The following STAP1 variants were observed in gnomAD, a reference collection of about 807,000 sequenced individuals.
STAP1 encodes signal-transducing adaptor protein 1.
In STAP1, 30 loss-of-function variants were observed where a neutral mutation model predicts 37.8. The ratio of observed to expected loss-of-function variants is 0.79; its 90% confidence interval spans 0.59 to 1.08. STAP1 has a LOEUF of 1.08. Ranked by LOEUF, STAP1 falls within the 50% of genes least tolerant of loss-of-function variation. The probability of loss-of-function intolerance (pLI) is 0.00; values close to 1 mark genes in which losing one functional copy is unlikely to be tolerated. For synonymous variants in STAP1, 130 were observed against 116.0 expected, an observed-to-expected ratio of 1.12 and a Z score of -0.78; for missense variants, 357 against 349.4, an observed-to-expected ratio of 1.02 and a Z score of -0.17.
intron 4 of STAP1, among the ~76,000 whole-genome samples, 198 bp from the exon 5 acceptor site, chr4:67,581,107 C>T (rs1470655708): frequency 6.6e-6 from 1 of 152,180 alleles, no homozygotes; most frequent in Non-Finnish European, 1.5e-5. Context: ...GCACTCTGTG[C>T]AGGTTGTAGT....
chr4:67,603,701 A>T (rs1728392345), intron 8 of STAP1, among the ~76,000 whole-genome samples: 1 of 152,116 alleles, frequency 6.6e-6, no homozygotes, highest in Admixed American at 6.5e-5. Flanking sequence ...TGGAGGCCTC[A>T]TGACTCTGCC....
intron 4 of STAP1, among the ~76,000 whole-genome samples, chr4:67,579,766 C>T (rs1238803600): frequency 6.6e-6 from 1 of 152,186 alleles, no homozygotes; most frequent in Non-Finnish European, 1.5e-5. Flanking sequence ...GACCCAAACA[C>T]CTCCCACCAG....
chr4:67,582,447 C>T (rs1008334574), intron 5 of STAP1, among the ~76,000 whole-genome samples: 4 of 151,690 alleles, frequency 2.6e-5, no homozygotes, highest in African/African-American at 4.8e-5. Flanking sequence ...TAGCTGGGAC[C>T]ACAGGCACCT....
Position 67,571,128 on chromosome 4 carries a change from C to A in STAP1, c.165C>A (p.Phe55Leu), listed in dbSNP as rs753818400. The A allele has an allele frequency of 3.0e-5, 49 of 1,610,968 alleles. No homozygotes were observed. The highest frequency in any genetic ancestry group is 3.9e-5 in the Non-Finnish European group (46 of 1,177,384). Residue 55 changes from phenylalanine (F) to leucine (L), a missense_variant, in exon 2 of 9, where the codon TTC (phenylalanine) becomes TTA (leucine). Transcript: ENST00000265404. ...CAGAGTTGAGAGGAACTACTCTTTT[C>A]TTTTATACCGACAAAAAGAGTATAA... ...YWTELRGTTL[F>L]FYTDKKSIIY...
At chr4:67,600,734 T>C (rs569857338) in intron 8 of STAP1, among the ~76,000 whole-genome samples, 1 of 152,302 alleles carries the variant, frequency 6.6e-6, no homozygotes, top group South Asian at 2.1e-4. Context: ...CCTTTCATCA[T>C]TATATAATGA....
chr4:67,588,031 C>T (rs1577761231), intron 6 of STAP1, among the ~76,000 whole-genome samples: 1 of 68,006 alleles, frequency 1.5e-5, no homozygotes, highest in Non-Finnish European at 2.7e-5. Flanking sequence ...GCTGGGGACA[C>T]ATTTTCTTAA....
intron 1 of STAP1, among the ~76,000 whole-genome samples, chr4:67,559,939 G>A (rs950040818): frequency 4.6e-5 from 7 of 152,066 alleles, no homozygotes; most frequent in Non-Finnish European, 8.8e-5. Context: ...TGTTATGGAT[G>A]TTAAACATGC....
chr4:67,581,217 C>T lies in STAP1; in HGVS notation c.364-88C>T, dbSNP rs1578028584. On this transcript the variant is annotated intron_variant, in intron 4 of 8. Coordinates refer to ENST00000265404, the MANE Select transcript of STAP1 (RefSeq NM_012108.4). ...TTCACCTCTGTCAGGTAACTGTAGC[C>T]CTATAGGACCAGAACAGGGTCGTCT... 3.2e-5 allele frequency: 41 copies of T among 1,261,900 alleles called. No individual in the cohort carries two copies. The South Asian group carries it at 6.2e-4, about 19-fold the overall frequency. 78.2% of individuals were successfully genotyped at this position (1,261,900 alleles called of 1,614,324 possible). A position where few individuals can be genotyped will look rare whatever the true frequency, so the allele number is the denominator to read the frequency against.
intron 8 of STAP1, among the ~76,000 whole-genome samples, chr4:67,596,437 C>T (rs866897302): frequency 6.6e-6 from 1 of 152,044 alleles, no homozygotes; most frequent in Admixed American, 6.6e-5. Context: ...TTGGCAGAGT[C>T]GGGTCCTGCT....
Position 67,593,272 on chromosome 4 carries a change from A to G in STAP1, c.742A>G (p.Asn248Asp), listed in dbSNP as rs1353538891. The G allele has an allele frequency of 1.9e-6, 3 of 1,613,058 alleles. No homozygotes were observed. The highest frequency in any genetic ancestry group is 2.5e-6 in the Non-Finnish European group (3 of 1,179,528). The change falls in exon 8 of 9, where the codon AAC (asparagine) becomes GAC (aspartate). Residue 248 changes from asparagine (N) to aspartate (D), a missense_variant. By Grantham distance (23) the Asn-to-Asp change is conservative. Transcript: ENST00000265404. ...TCTATTAATACAGGTAACACTCCCA[A>G]ACCTTTTCAGTGTCATTGATTATTT... ...IELEKPVTLPNLFSVIDYFVK... is the reference protein window; with the variant it reads ...IELEKPVTLPDLFSVIDYFVK...
chr4:67,582,227 T>C (rs1246042922), intron 5 of STAP1, among the ~76,000 whole-genome samples: 2 of 152,158 alleles, frequency 1.3e-5, no homozygotes, highest in African/African-American at 4.8e-5. Context: ...ACAAGTAATA[T>C]ATGTTTATTA....
intron 1 of STAP1, among the ~76,000 whole-genome samples, chr4:67,566,237 C>G (rs571662898): frequency 1.2e-4 from 18 of 152,088 alleles, no homozygotes; most frequent in African/African-American, 4.3e-4. Context: ...CATGAGCCAC[C>G]GCGCCTGGCC....
At chr4:67,575,734 A>G (rs1392258001) in intron 3 of STAP1, among the ~76,000 whole-genome samples, 2 of 152,232 alleles carry the variant, frequency 1.3e-5, no homozygotes, top group Admixed American at 1.3e-4. Flanking sequence ...GACAAAGTCA[A>G]GGATCCCACC....
chr4:67,566,199 C>T (rs373950575), intron 1 of STAP1, among the ~76,000 whole-genome samples: 3 of 152,170 alleles, frequency 2.0e-5, no homozygotes, highest in African/African-American at 4.8e-5. Context: ...CTTCCCGCCT[C>T]GGCCTCCCAA....
At chr4:67,573,882 G>A (rs1727660039) in intron 2 of STAP1, among the ~76,000 whole-genome samples, 1 of 152,054 alleles carries the variant, frequency 6.6e-6, no homozygotes, top group South Asian at 2.1e-4. Context: ...ACTCAAGAAT[G>A]AGGCTAATTT....
chr4:67,564,053 T>C (rs913835499), intron 1 of STAP1, among the ~76,000 whole-genome samples: 2 of 152,198 alleles, frequency 1.3e-5, no homozygotes, highest in South Asian at 4.1e-4. Flanking sequence ...ATGTTGTTTA[T>C]TGAGATTGAT....
intron 1 of STAP1, among the ~76,000 whole-genome samples, chr4:67,570,246 A>C (rs1002091925): frequency 1.3e-5 from 2 of 152,210 alleles, no homozygotes; most frequent in Non-Finnish European, 2.9e-5. Flanking sequence ...TTAATCATTA[A>C]CAAGTATTAT....
In STAP1 at chr4:67,558,997, T is replaced by C. The variant is rs1397346350; in HGVS notation, c.120+68T>C. The C allele has an allele frequency of 4.1e-6, 6 of 1,478,122 alleles. No homozygotes were observed. The South Asian group carries it at 5.6e-5, about 14-fold the overall frequency. The allele number at this position is 1,478,122 out of a possible 1,614,324, so 91.6% of individuals were successfully genotyped here. The stretch of plus-strand genomic sequence containing the variant: ...TAATTTAATATTTATTTCATGGTGA[T>C]GTGATGTGTTAAGACCTCCTTGTTT... On this transcript the variant is annotated intron_variant, in intron 1 of 8. Transcript: ENST00000265404.
At chr4:67,591,402 T>A (rs541959113) in intron 7 of STAP1, among the ~76,000 whole-genome samples, 104 of 152,324 alleles carry the variant, frequency 6.8e-4, no homozygotes, top group African/African-American at 2.4e-3. Flanking sequence ...TGACTTACCA[T>A]GGGGCTAATG....
Sources: gnomAD v4.1 joint callset for allele counts (sites outside exome capture counted in the v4.1 genomes callset) on GRCh38, gnomAD v4.1.1 for gene constraint, MANE v1.5 for transcripts, NCBI Gene and HGNC (gene_info 2026-07-23, HGNC 2026-07-21) for gene names.